PHYH: variants seen among roughly 807,000 people sequenced by gnomAD.
PHYH encodes the protein phytanoyl-CoA dioxygenase, peroxisomal.
PHYH carries 32 observed loss-of-function variants against 38.5 expected under a neutral mutation model. The ratio of observed to expected loss-of-function variants is 0.83; its 90% confidence interval spans 0.63 to 1.12. The LOEUF (loss-of-function observed/expected upper bound fraction) is 1.12, where lower values mean the gene tolerates loss of function less well. Among genes scored for constraint, PHYH ranks in the 50% most tolerant of loss-of-function variants. The probability of loss-of-function intolerance (pLI) is 0.00; values close to 1 mark genes in which losing one functional copy is unlikely to be tolerated. For synonymous variants in PHYH, 166 were observed against 157.9 expected (o/e 1.05, Z -0.38); for missense variants, 426 against 434.8 (o/e 0.98, Z 0.18).
At position 13,296,439 on chromosome 10, in the gene PHYH, G is replaced by A. The variant is rs372574409; in HGVS notation, c.135-833C>T. 4.6e-5 allele frequency among the ~76,000 whole-genome samples: 7 copies of A among 151,508 alleles called. No individual in the cohort carries two copies. The East Asian group carries it at 9.7e-4, about 21-fold the overall frequency. ...TAAAAATACAAAAATTAGCGTGCCT[G>A]TAATCCCAGCTACTCAAGAGGATGA... On this transcript the variant is annotated intron_variant, in intron 2 of 8. Transcript: ENST00000263038.
At chr10:13,295,258 A>G in intron 3 of PHYH, 1 of 485,484 alleles carries the variant, frequency 2.1e-6, no homozygotes. Flanking sequence ...GAGCCCAGGA[A>G]CTTGAGGCCG....
chr10:13,299,876 G>C (rs1832703075), intron 1 of PHYH, 92 bp downstream of exon 1: 2 of 1,394,568 alleles, frequency 1.4e-6, no homozygotes, highest in Non-Finnish European at 1.9e-6. Flanking sequence ...CGAAGCGTGC[G>C]ACCCCGAGGC....
At chr10:13,286,150 G>T (rs564597806) in intron 6 of PHYH, among the ~76,000 whole-genome samples, 1 of 152,008 alleles carries the variant, frequency 6.6e-6, no homozygotes, top group East Asian at 1.9e-4. Context: ...GGGCTCAAGC[G>T]ATCCTCCCAC....
chr10:13,287,232 G>A (rs1389623863), intron 6 of PHYH, among the ~76,000 whole-genome samples: 3 of 151,946 alleles, frequency 2.0e-5, no homozygotes, highest in Non-Finnish European at 2.9e-5. Context: ...CCAGCTACTC[G>A]GGAGTCTGAG....
At chr10:13,280,849 G>A (rs1002260279) in intron 8 of PHYH, 127 bp downstream of exon 8, 15 of 901,916 alleles carry the variant, frequency 1.7e-5, no homozygotes, top group Non-Finnish European at 2.5e-5. Context: ...GGGGCTCAGC[G>A]ATGTCCCTAA....
chr10:13,295,449 T>C, intron 3 of PHYH, 47 bp downstream of exon 3: 1 of 932,962 alleles, frequency 1.1e-6, no homozygotes, highest in Non-Finnish European at 1.8e-6. Flanking sequence ...TCTCATTACA[T>C]GCACACAATA....
chr10:13,295,188 G>A (rs1320852337), intron 3 of PHYH: 1 of 351,368 alleles, frequency 2.8e-6, no homozygotes, highest in Non-Finnish European at 5.3e-6. Flanking sequence ...AATTAGCTGG[G>A]TATGGTGGTG....
At chr10:13,292,687 C>A (rs1835741078) in intron 4 of PHYH, among the ~76,000 whole-genome samples, 1 of 152,150 alleles carries the variant, frequency 6.6e-6, no homozygotes, top group Non-Finnish European at 1.5e-5. Flanking sequence ...AATCCTAGCA[C>A]TTTGGGTGGC....
chr10:13,277,904 C>A lies in PHYH; in HGVS notation c.*397G>T, dbSNP rs1835324867. ...TGTTCTAGATTTGGGGGAAAAAAAT[C>A]TCTTATGACATAAAATTGGTAGGGA... On this transcript the variant is annotated 3_prime_UTR_variant, in exon 9 of 9. Transcript: ENST00000263038. 3.4e-6 allele frequency: 1 copy of A among 296,982 alleles called. No homozygotes were observed. Among genetic ancestry groups the A allele is most frequent in the Non-Finnish European group, 6.5e-6 (1 of 154,262 alleles). 18.4% of individuals were successfully genotyped at this position (296,982 alleles called of 1,614,324 possible).
intron 5 of PHYH, among the ~76,000 whole-genome samples, 171 bp from the exon 6 acceptor site, chr10:13,288,712 G>A (rs1023055782): frequency 1.3e-5 from 2 of 151,900 alleles, no homozygotes; most frequent in African/African-American, 2.4e-5. Flanking sequence ...GTGAGACTCC[G>A]TTTCTACAGA....
chr10:13,284,362 T>C (rs1207494781), intron 6 of PHYH, among the ~76,000 whole-genome samples: 1 of 152,168 alleles, frequency 6.6e-6, no homozygotes, highest in Non-Finnish European at 1.5e-5. Flanking sequence ...CACATGTTGA[T>C]ATTAAAATCA....
chr10:13,292,961 G>T (rs1835750971), intron 4 of PHYH, among the ~76,000 whole-genome samples: 3 of 148,340 alleles, frequency 2.0e-5, no homozygotes, highest in Admixed American at 6.8e-5. Context: ...AGAAGAAGAA[G>T]AAGAAAATAA....
At chr10:13,278,653 C>T (rs551165698) in intron 8 of PHYH, among the ~76,000 whole-genome samples, 3 of 152,148 alleles carry the variant, frequency 2.0e-5, no homozygotes, top group Non-Finnish European at 2.9e-5. Context: ...CTCAGCCTCC[C>T]GAGTAGCTGG....
chr10:13,293,768 A>T (rs1835770043), intron 4 of PHYH, among the ~76,000 whole-genome samples: 1 of 152,092 alleles, frequency 6.6e-6, no homozygotes, highest in Non-Finnish European at 1.5e-5. Flanking sequence ...TCTTGTCCTA[A>T]TTAACAACAT....
intron 7 of PHYH, among the ~76,000 whole-genome samples, chr10:13,283,283 C>A (rs903288612): frequency 6.6e-6 from 1 of 152,060 alleles, no homozygotes; most frequent in Non-Finnish European, 1.5e-5. Flanking sequence ...GCGCCCGCCA[C>A]CTCGCCCAGC....
chr10:13,282,173 C>T (rs757855609), intron 7 of PHYH, among the ~76,000 whole-genome samples: 53 of 152,146 alleles, frequency 3.5e-4, no homozygotes, highest in Non-Finnish European at 6.9e-4. Context: ...ATGGCTTGAG[C>T]CTCAGTGTTC....
At position 13,289,009 on chromosome 10, in the gene PHYH, AAACAAATGAAAT is replaced by A. The variant is rs570991920; in HGVS notation, c.497-480_497-469del. Among the ~76,000 whole-genome samples the A allele has an allele frequency of 6.7e-4, 102 of 151,824 alleles. 1 individual carries two copies. The South Asian group carries it at 0.02, about 30-fold the overall frequency. On this transcript the variant is annotated intron_variant, in intron 5 of 8. Coordinates refer to ENST00000263038, the MANE Select transcript of PHYH (RefSeq NM_006214.4). ...ACAATGACCTGTCCCCAGAAGAACC[AAACAAATGAAAT>A]AATGCTAGAGAAAATCAGCCCCGGA... is the stretch of plus-strand genomic sequence containing the variant.
chr10:13,298,839 G>A (rs1832653773), intron 1 of PHYH, among the ~76,000 whole-genome samples: 1 of 123,936 alleles, frequency 8.1e-6, no homozygotes, highest in East Asian at 2.5e-4. Flanking sequence ...GCTTGAACCT[G>A]GGAGGCGGAG....
chr10:13,297,120 G>A (rs1001099834), intron 2 of PHYH, among the ~76,000 whole-genome samples: 2 of 152,090 alleles, frequency 1.3e-5, no homozygotes, highest in Non-Finnish European at 2.9e-5. Context: ...ATTGCCTTTA[G>A]AAATGGAATT....
Sources: gnomAD v4.1 joint callset for allele counts (sites outside exome capture counted in the v4.1 genomes callset) on GRCh38, gnomAD v4.1.1 for gene constraint, MANE v1.5 for transcripts, NCBI Gene and HGNC (gene_info 2026-07-23, HGNC 2026-07-21) for gene names.